Variants in ZNF518B observed in about 807,000 individuals in gnomAD.
ZNF518B encodes zinc finger protein 518B.
A neutral mutation model predicts 56.3 loss-of-function variants in ZNF518B; 23 were observed. The observed-to-expected ratio is 0.41, with a 90% CI of 0.29 to 0.58. The LOEUF is 0.58. Among genes scored for constraint, ZNF518B ranks in the 20% least tolerant of loss-of-function variants. ZNF518B has a pLI of 0.32. For missense variants in ZNF518B, 1,460 were observed against 1,272.1 expected (o/e 1.15, Z -2.25); for synonymous variants, 529 against 465.9 (o/e 1.14, Z -1.74).
chr4:10,444,654 C>A lies in ZNF518B; in HGVS notation c.1675G>T (p.Val559Phe). Residue 559 changes from valine (V) to phenylalanine (F), a missense_variant, in exon 3 of 3, where the codon GTC (valine) becomes TTC (phenylalanine). Physicochemically the swap from Val to Phe is conservative, Grantham distance 50 (BLOSUM62 -1). Transcript: ENST00000326756. ...SENDLESTSK[V>F]NIPVKVVSSN... is the part of the protein sequence containing the mutation. ...GAAACCACTTTTACAGGAATATTGA[C>A]TTTACTTGTAGATTCCAAGTCATTT... 1 of 1,614,206 alleles carries A rather than the reference C, an allele frequency of 6.2e-7. No homozygotes were observed. The highest frequency in any genetic ancestry group is 2.2e-5 in the East Asian group (1 of 44,884).
At chr4:10,446,992 C>T (rs959083621) in intron 2 of ZNF518B, among the ~76,000 whole-genome samples, 2 of 152,202 alleles carry the variant, frequency 1.3e-5, no homozygotes, top group East Asian at 1.9e-4. Context: ...TTTGTTTCTA[C>T]ATTATAGCTT....
In ZNF518B at chr4:10,443,516, C is replaced by T. The variant is rs145775793; in HGVS notation, c.2813G>A (p.Arg938His). 8.7e-6 allele frequency: 14 copies of T among 1,613,778 alleles called. No individual in the cohort carries two copies. The African/African-American group carries it at 1.1e-4, about 12-fold the overall frequency. The change falls in exon 3 of 3, where the codon CGT becomes CAT. Residue 938 changes from arginine to histidine, a missense_variant. Coordinates refer to ENST00000326756, the MANE Select transcript of ZNF518B (RefSeq NM_053042.3). ...AKPDQLIKCPRRNQPVIVLNH... is the reference protein window; with the variant it reads ...AKPDQLIKCPHRNQPVIVLNH... The stretch of plus-strand genomic sequence containing the variant: ...TAACACAATGACTGGCTGGTTCCGA[C>T]GGGGACACTTAATCAACTGATCTGG...
chr4:10,455,926 C>A (rs932145821), intron 1 of ZNF518B, among the ~76,000 whole-genome samples: 3 of 152,142 alleles, frequency 2.0e-5, no homozygotes, highest in Admixed American at 1.3e-4. Flanking sequence ...GTTTCTAAAA[C>A]AATATTTTCT....
Position 10,443,737 on chromosome 4 carries a change from C to T in ZNF518B, c.2592G>A (p.Leu864=), listed in dbSNP as rs757292543. The T allele has an allele frequency of 2.0e-5, 33 of 1,614,078 alleles. No individual in the cohort carries two copies. Among genetic ancestry groups the T allele is most frequent in the Middle Eastern group, 1.6e-4 (1 of 6,082 alleles). ...ATTCACTGCTTCCTTGCTGTCCATA[C>T]AAGAGGCCAGTTTTTCTATGGATGG... ...CSTIHRKTGL[L]YGQQGSSELN... Residue 864 remains leucine, a synonymous_variant, in exon 3 of 3, where the codon TTG becomes TTA. Coordinates refer to ENST00000326756, the MANE Select transcript of ZNF518B (RefSeq NM_053042.3).
At chr4:10,460,544 G>A (rs1715716458), upstream of ZNF518B, among the ~76,000 whole-genome samples, 1 of 152,052 alleles carries the variant, frequency 6.6e-6, no homozygotes, top group Non-Finnish European at 1.5e-5. Context: ...GGAGAGGAGA[G>A]CATGTACAAA....
intron 2 of ZNF518B, among the ~76,000 whole-genome samples, chr4:10,446,999 G>A (rs981422812): frequency 6.6e-6 from 1 of 152,186 alleles, no homozygotes; most frequent in African/African-American, 2.4e-5. Flanking sequence ...CTACATTATA[G>A]CTTATTATCA....
rs149028402 is a variant in ZNF518B, at chr4:10,443,873, G to A, written c.2456C>T (p.Ala819Val). Residue 819 changes from alanine to valine, a missense_variant, in exon 3 of 3, where the codon GCG becomes GTG. Ala to Val is a moderately conservative substitution (Grantham distance 64, BLOSUM62 0). Coordinates refer to ENST00000326756, the MANE Select transcript of ZNF518B (RefSeq NM_053042.3). ...TCTTAAAGGCTGTAAGTCTGAGTCCGCCTGTCTCACAGGGCAAAATGGAAC... is the reference window on the plus strand; with the variant it reads ...TCTTAAAGGCTGTAAGTCTGAGTCCACCTGTCTCACAGGGCAAAATGGAAC... ...KPVPFCPVRQ[A>V]DSDLQPLRSE... 2,997 of 1,614,160 alleles carry A rather than the reference G, an allele frequency of 1.9e-3. 48 individuals are homozygous for A. In the African/African-American group the frequency reaches 0.035, roughly 19 times the overall value.
chr4:10,444,512 T>C lies in ZNF518B; in HGVS notation c.1817A>G (p.Asp606Gly), dbSNP rs1487303250. The change falls in exon 3 of 3, where the codon GAT becomes GGT. Residue 606 changes from aspartate to glycine, a missense_variant. Coordinates refer to ENST00000326756, the MANE Select transcript of ZNF518B (RefSeq NM_053042.3). ...CTTATCCCCAGGCTGTTGAGATCTA[T>C]CTTCTCCAGTTATGTTTATATGTAA... is the stretch of plus-strand genomic sequence containing the variant. The part of the protein sequence containing the change: ...EYLHINITGE[D>G]RSQQPGDKPL... 5 of 1,614,060 alleles carry C rather than the reference T, an allele frequency of 3.1e-6. No homozygotes were observed. The African/African-American group carries it at 6.7e-5, about 22-fold the overall frequency.
intron 2 of ZNF518B, chr4:10,451,034 T>C (rs1415414422): frequency 6.6e-6 from 1 of 152,208 alleles, no homozygotes; most frequent in Non-Finnish European, 1.5e-5. Context: ...AGAGGCACGG[T>C]GTGTCACAGA....
In ZNF518B at chr4:10,440,969, T is replaced by C. The variant is rs1238323002; in HGVS notation, c.*2135A>G. On this transcript the variant is annotated 3_prime_UTR_variant, in exon 3 of 3. Coordinates refer to ENST00000326756, the MANE Select transcript of ZNF518B (RefSeq NM_053042.3). ...TACAATATATAACATGGATAAAACT[T>C]CGAATGCTCTACGTAGTGAAGTGGT... The C allele has an allele frequency of 7.8e-6, 1 of 127,562 alleles. No homozygotes were observed. The highest frequency in any genetic ancestry group is 2.2e-4 in the East Asian group (1 of 4,592). The allele number at this position is 127,562 out of a possible 1,614,324, so 7.9% of individuals were successfully genotyped here.
chr4:10,443,241 C>T lies in ZNF518B; in HGVS notation c.3088G>A (p.Asp1030Asn). The change falls in exon 3 of 3, where the codon GAT becomes AAT. Residue 1030 changes from aspartate to asparagine, a missense_variant. By Grantham distance (23) the Asp-to-Asn change is conservative. Transcript: ENST00000326756. Reference protein sequence around the residue: ...NYQVVDSLPDDSSQCVFKCWF... With the variant: ...NYQVVDSLPDNSSQCVFKCWF... ...CACTTAAATACACACTGTGAAGAAT[C>T]ATCAGGCAAGGAATCCACTACCTGG... is the stretch of plus-strand genomic sequence containing the variant. 1 of 1,614,208 alleles carries T rather than the reference C, an allele frequency of 6.2e-7. No individual in the cohort carries two copies. The highest frequency in any genetic ancestry group is 8.5e-7 in the Non-Finnish European group (1 of 1,180,034).
upstream of ZNF518B, among the ~76,000 whole-genome samples, chr4:10,459,361 T>C (rs976985782): frequency 2.0e-5 from 3 of 151,780 alleles, no homozygotes; most frequent in African/African-American, 7.3e-5. Flanking sequence ...CTTTTGATGC[T>C]TGCAAATGTG....
rs773006633 is a variant in ZNF518B at position 10,445,729 on chromosome 4, A to G, written c.600T>C (p.Ile200=). 3 of 1,614,190 alleles carry G rather than the reference A, an allele frequency of 1.9e-6. No individual in the cohort carries two copies. Among genetic ancestry groups the G allele is most frequent in the Non-Finnish European group, 2.5e-6 (3 of 1,180,034 alleles). ...YQCEYCDYGA[I]RNDYIVKHTK... Reference sequence around the variant, plus strand: ...TGTGTTTGACAATATAATCATTTCTAATAGCACCATAGTCACAATACTCAC... The same window carrying G: ...TGTGTTTGACAATATAATCATTTCTGATAGCACCATAGTCACAATACTCAC... Residue 200 remains isoleucine, a synonymous_variant, in exon 3 of 3, where the codon ATT becomes ATC. Coordinates refer to ENST00000326756, the MANE Select transcript of ZNF518B (RefSeq NM_053042.3).
chr4:10,451,332 G>T (rs904747912), intron 2 of ZNF518B: 2 of 152,196 alleles, frequency 1.3e-5, no homozygotes, highest in Non-Finnish European at 2.9e-5. Flanking sequence ...AAAATTTGAA[G>T]AGAAGTAAGT....
chr4:10,440,741 A>T lies in ZNF518B; in HGVS notation c.*2363T>A, dbSNP rs2108979306. The stretch of plus-strand genomic sequence containing the variant: ...CTTATGCTTGAAAGTTGATGCTGCG[A>T]AGTGAAAATACTTCATGTTGACAGT... On this transcript the variant is annotated 3_prime_UTR_variant, in exon 3 of 3. Coordinates refer to ENST00000326756, the MANE Select transcript of ZNF518B (RefSeq NM_053042.3). 1 of 152,316 alleles carries T rather than the reference A, an allele frequency of 6.6e-6. No individual in the cohort carries two copies. The highest frequency in any genetic ancestry group is 2.1e-4 in the South Asian group (1 of 4,832). 9.4% of individuals were successfully genotyped at this position (152,316 alleles called of 1,614,324 possible).
rs762039052 is a variant in ZNF518B at position 10,444,993 on chromosome 4, T to C, written c.1336A>G (p.Ser446Gly). 2 of 1,614,210 alleles carry C rather than the reference T, an allele frequency of 1.2e-6. No homozygotes were observed. Among genetic ancestry groups the C allele is most frequent in the East Asian group, 2.2e-5 (1 of 44,880 alleles). The change falls in exon 3 of 3, where the codon AGT becomes GGT. Residue 446 changes from serine (S) to glycine (G), a missense_variant. Coordinates refer to ENST00000326756, the MANE Select transcript of ZNF518B (RefSeq NM_053042.3). ...RSYDFIMPNS[S>G]VHNNGKSFIN... ...AAGGATTTTCCATTGTTGTGCACACTAGAATTTGGCATAATAAAATCATAA... is the reference window on the plus strand; with the variant it reads ...AAGGATTTTCCATTGTTGTGCACACCAGAATTTGGCATAATAAAATCATAA...
intron 2 of ZNF518B, among the ~76,000 whole-genome samples, chr4:10,450,158 T>C (rs1715242604): frequency 6.6e-6 from 1 of 152,188 alleles, no homozygotes; most frequent in Non-Finnish European, 1.5e-5. Context: ...TCAGCAGTTA[T>C]TTTGAATTAA....
intron 1 of ZNF518B, among the ~76,000 whole-genome samples, chr4:10,455,556 C>T (rs1715491674): frequency 6.6e-6 from 1 of 152,118 alleles, no homozygotes. Context: ...TCCTTTTGCA[C>T]AAAAACTGGC....
Position 10,441,567 on chromosome 4 carries a change from C to A in ZNF518B, c.*1537G>T, listed in dbSNP as rs987496652. The A allele has an allele frequency of 6.6e-6, 1 of 152,616 alleles. No individual in the cohort carries two copies. Among genetic ancestry groups the A allele is most frequent in the Admixed American group, 6.5e-5 (1 of 15,282 alleles). 9.5% of individuals were successfully genotyped at this position (152,616 alleles called of 1,614,324 possible). A position where few individuals can be genotyped will look rare whatever the true frequency, so the allele number is the denominator to read the frequency against. ...CACAAATCGCCTAAGACAGGAATAG[C>A]CCCTGGAGGGAGGGAAATGCAAGTT... is the stretch of plus-strand genomic sequence containing the variant. On this transcript the variant is annotated 3_prime_UTR_variant, in exon 3 of 3. Transcript: ENST00000326756.
Sources: allele counts gnomAD v4.1 joint callset (sites outside exome capture counted in the v4.1 genomes callset), GRCh38; gene constraint gnomAD v4.1.1; transcripts MANE v1.5; gene names NCBI Gene and HGNC (gene_info 2026-07-23, HGNC 2026-07-21).